Variants in SIRPG observed in about 807,000 individuals in gnomAD.
SIRPG encodes the protein signal-regulatory protein gamma.
In SIRPG, 38 loss-of-function variants were observed where a neutral mutation model predicts 35.7. The observed-to-expected ratio is 1.06, with a 90% CI of 0.82 to 1.40. The LOEUF is 1.40. SIRPG is among the 40% of genes most tolerant of loss of function. The pLI, the probability that SIRPG is intolerant of heterozygous loss-of-function variation, is 0.00. For synonymous variants in SIRPG, 215 were observed against 190.4 expected, an observed-to-expected ratio of 1.13 and a Z score of -1.06; for missense variants, 519 against 483.0, an observed-to-expected ratio of 1.07 and a Z score of -0.70.
At position 1,635,589 on chromosome 20, in the gene SIRPG, G is replaced by C; in HGVS notation, c.759C>G (p.Thr253=). The change falls in exon 4 of 6, where the codon ACC becomes ACG. Residue 253 remains threonine, a synonymous_variant. Coordinates refer to ENST00000303415, the MANE Select transcript of SIRPG (RefSeq NM_018556.4). ...NLSEAIRVPP[T]LEVTQQPMRV... ...TCATGGGCTGTTGAGTAACCTCCAA[G>C]GTGGGTGGAACTGAAACAGCACAGG... 1 of 1,614,106 alleles carries C rather than the reference G, an allele frequency of 6.2e-7. No individual in the cohort carries two copies. The highest frequency in any genetic ancestry group is 8.5e-7 in the Non-Finnish European group (1 of 1,179,968).
In SIRPG at chr20:1,638,934, C is replaced by T. The variant is rs150731712; in HGVS notation, c.431-2429G>A. ...TGGCTTCCAGCTTCATCCATGGCCC[C>T]GCAAAGGACATGAACTCATTCTTTT... is the stretch of plus-strand genomic sequence containing the variant. On this transcript the variant is annotated intron_variant, in intron 2 of 5. Transcript: ENST00000303415. Among the ~76,000 whole-genome samples the T allele has an allele frequency of 2.2e-4, 34 of 152,096 alleles. 1 individual carries two copies. The highest frequency in any genetic ancestry group is 5.1e-4 in the African/African-American group (21 of 41,490).
At chr20:1,664,352 A>G in the SIRPG span, among the ~76,000 whole-genome samples, 18 of 152,306 alleles carry the variant, frequency 1.2e-4, no homozygotes, top group South Asian at 3.7e-3. Flanking sequence ...GTTCATTTGT[A>G]TTCAAGAGGC....
intron 2 of SIRPG, among the ~76,000 whole-genome samples, chr20:1,640,239 G>A (rs904248358): frequency 6.6e-5 from 10 of 152,074 alleles, no homozygotes; most frequent in Non-Finnish European, 5.9e-5. Flanking sequence ...CTATCCATGA[G>A]CATGGAATGT....
In SIRPG at chr20:1,649,000, A is replaced by G. The variant is rs879115745; in HGVS notation, c.430+52T>C. The G allele has an allele frequency of 1.4e-5, 20 of 1,452,682 alleles. No homozygotes were observed. In the South Asian group the frequency reaches 2.0e-4, roughly 15 times the overall value. 90.0% of individuals were successfully genotyped at this position (1,452,682 alleles called of 1,614,324 possible). On this transcript the variant is annotated intron_variant, in intron 2 of 5. Transcript: ENST00000303415. ...TGCTCAAAGAATGGAAGGTGTTACT[A>G]TTGAGTTATTGTCACACATCAGGGG...
intron 2 of SIRPG, among the ~76,000 whole-genome samples, chr20:1,642,496 C>T (rs2091861215): frequency 6.6e-6 from 1 of 152,172 alleles, no homozygotes; most frequent in Non-Finnish European, 1.5e-5. Flanking sequence ...AAATACAGCC[C>T]ACCGATGGGG....
At chr20:1,648,211 C>T (rs2091911270) in intron 2 of SIRPG, 1 of 152,212 alleles carries the variant, frequency 6.6e-6, no homozygotes, top group South Asian at 2.1e-4. Flanking sequence ...ATTGGGCACC[C>T]CTGAGCCACC....
Position 1,635,553 on chromosome 20 carries a change from G to C in SIRPG, c.795C>G (p.Asn265Lys). ...TCACCTGGCAGGTGACGTTTACCTG[G>C]TTCCCCACCCTCATGGGCTGTTGAG... ...EVTQQPMRVG[N>K]QVNVTCQVRK... Residue 265 changes from asparagine to lysine, a missense_variant, in exon 4 of 6, where the codon AAC (asparagine) becomes AAG (lysine). By Grantham distance (94) the Asn-to-Lys change is moderately conservative (BLOSUM62 0). Transcript: ENST00000303415. 6.2e-7 allele frequency: 1 copy of C among 1,614,154 alleles called. No homozygotes were observed. The highest frequency in any genetic ancestry group is 8.5e-7 in the Non-Finnish European group (1 of 1,180,010).
chr20:1,655,415 T>G (rs1421866722), intron 1 of SIRPG, among the ~76,000 whole-genome samples: 1 of 151,940 alleles, frequency 6.6e-6, no homozygotes, highest in Non-Finnish European at 1.5e-5. Flanking sequence ...CTAAGTGAAA[T>G]AAGCCAGGCA....
chr20:1,649,479 A>G, intron 1 of SIRPG, 71 bp from the exon 2 acceptor site: 2 of 1,380,398 alleles, frequency 1.4e-6, no homozygotes, highest in South Asian at 2.7e-5. Context: ...TTTATCAAAG[A>G]TATTCAGTGA....
chr20:1,655,875 A>C (rs2091972086), intron 1 of SIRPG, among the ~76,000 whole-genome samples: 1 of 152,008 alleles, frequency 6.6e-6, no homozygotes, highest in Non-Finnish European at 1.5e-5. Flanking sequence ...TAAAAATGAA[A>C]TCTCATCTGT....
At chr20:1,668,562 G>T in the SIRPG span, among the ~76,000 whole-genome samples, 1 of 152,090 alleles carries the variant, frequency 6.6e-6, no homozygotes, top group Non-Finnish European at 1.5e-5. Flanking sequence ...GATTACAGGC[G>T]TGAGCCACCG....
the SIRPG span, among the ~76,000 whole-genome samples, chr20:1,672,714 T>C: frequency 6.6e-6 from 1 of 150,984 alleles, no homozygotes; most frequent in Non-Finnish European, 1.5e-5. Context: ...AAATAAATGC[T>C]ATTTCTTTTG....
intron 1 of SIRPG, among the ~76,000 whole-genome samples, chr20:1,655,998 G>A (rs1251606015): frequency 6.6e-6 from 1 of 152,018 alleles, no homozygotes; most frequent in Non-Finnish European, 1.5e-5. Context: ...AGTATATAAG[G>A]TTGTTTTGTG....
chr20:1,661,604 T>C (rs188910766), upstream of SIRPG, among the ~76,000 whole-genome samples: 10 of 152,280 alleles, frequency 6.6e-5, no homozygotes, highest in African/African-American at 1.9e-4. Flanking sequence ...CCTGTCAGAC[T>C]GTCTCATGGA....
intron 4 of SIRPG, among the ~76,000 whole-genome samples, chr20:1,633,880 C>T (rs1035214777): frequency 1.3e-5 from 2 of 152,204 alleles, no homozygotes; most frequent in African/African-American, 4.8e-5. Context: ...GACTGTTTCT[C>T]TAACTAGCAC....
intron 2 of SIRPG, among the ~76,000 whole-genome samples, chr20:1,640,523 C>T (rs565211352): frequency 1.6e-4 from 24 of 152,174 alleles, no homozygotes; most frequent in African/African-American, 5.3e-4. Context: ...GATGATGGGG[C>T]TTTCTAAATA....
chr20:1,642,082 G>C (rs542572752), intron 2 of SIRPG, among the ~76,000 whole-genome samples: 1 of 152,198 alleles, frequency 6.6e-6, no homozygotes, highest in African/African-American at 2.4e-5. Flanking sequence ...ATTTGGGGTG[G>C]AGAGTTCTGT....
chr20:1,680,154 G>A, the SIRPG span, among the ~76,000 whole-genome samples: 441 of 152,200 alleles, frequency 2.9e-3, 1 homozygote, highest in African/African-American at 0.01. Flanking sequence ...TCAAACAAAC[G>A]GACAAACAAA....
the SIRPG span, among the ~76,000 whole-genome samples, chr20:1,679,921 A>G: frequency 1.3e-5 from 2 of 151,846 alleles, no homozygotes; most frequent in African/African-American, 4.8e-5. Flanking sequence ...TGTTACCAAG[A>G]CTCTCCATCC....
Sources: gnomAD v4.1 joint callset for allele counts (sites outside exome capture counted in the v4.1 genomes callset) on GRCh38, gnomAD v4.1.1 for gene constraint, MANE v1.5 for transcripts, NCBI Gene and HGNC (gene_info 2026-07-23, HGNC 2026-07-21) for gene names.